Variants in LRRFIP1 observed in about 807,000 individuals in gnomAD.
LRRFIP1 encodes leucine-rich repeat flightless-interacting protein 1.
LRRFIP1 carries 62 observed loss-of-function variants against 104.4 expected under a neutral mutation model. The observed-to-expected ratio is 0.59, with a 90% confidence interval of 0.48 to 0.73. LRRFIP1 has a LOEUF of 0.73. LRRFIP1 is among the 30% of genes least tolerant of loss of function. The pLI is 0.00. For synonymous variants in LRRFIP1, 300 were observed against 299.0 expected (o/e 1.00, Z -0.03); for missense variants, 796 against 824.5 (o/e 0.97, Z 0.42).
chr2:237,645,043 C>A (rs2084645792), intron 1 of LRRFIP1, among the ~76,000 whole-genome samples: 1 of 152,238 alleles, frequency 6.6e-6, no homozygotes, highest in African/African-American at 2.4e-5. Context: ...CCTCTCCCTG[C>A]TCTGGAAGCA....
rs575892213 is a variant in LRRFIP1, at chr2:237,639,046, A to T, written c.96+11306A>T. Among the ~76,000 whole-genome samples the T allele has an allele frequency of 1.4e-4, 22 of 152,282 alleles. No individual in the cohort carries two copies. In the South Asian group the frequency reaches 2.9e-3, roughly 20 times the overall value. On this transcript the variant is annotated intron_variant, in intron 1 of 23. Coordinates refer to ENST00000308482, the MANE Select transcript of LRRFIP1 (RefSeq NM_001137550.2). ...AGGAATGCTATCGTGTGGGGCAGTC[A>T]TGGTAAAGAGCTAGAGCCCACAGGC...
At chr2:237,643,010 T>C (rs1045775014) in intron 1 of LRRFIP1, among the ~76,000 whole-genome samples, 2 of 152,350 alleles carry the variant, frequency 1.3e-5, no homozygotes, top group African/African-American at 4.8e-5. Context: ...AGAGTTCACA[T>C]GAGGTCCCGA....
At chr2:237,671,813 T>C (rs1317367355) in intron 1 of LRRFIP1, among the ~76,000 whole-genome samples, 1 of 150,418 alleles carries the variant, frequency 6.6e-6, no homozygotes, top group African/African-American at 2.5e-5. Context: ...TGTGCCTGCA[T>C]GTGTGTGTGC....
At chr2:237,682,324 G>A (rs144702782) in intron 1 of LRRFIP1, among the ~76,000 whole-genome samples, 7 of 152,318 alleles carry the variant, frequency 4.6e-5, no homozygotes, top group Non-Finnish European at 7.3e-5. Context: ...GCAGTCCTCC[G>A]GGCAGTCCTG....
At chr2:237,709,205 G>A (rs1220075274) in intron 2 of LRRFIP1, among the ~76,000 whole-genome samples, 3 of 152,186 alleles carry the variant, frequency 2.0e-5, no homozygotes, top group African/African-American at 7.2e-5. Context: ...CCATTTGCAA[G>A]TTATTTTCAT....
intron 1 of LRRFIP1, among the ~76,000 whole-genome samples, chr2:237,696,145 T>C (rs928938631): frequency 1.3e-5 from 2 of 152,240 alleles, no homozygotes; most frequent in Non-Finnish European, 2.9e-5. Context: ...TACTTTGTAG[T>C]AGAGAAGTAA....
chr2:237,720,665 G>C, intron 5 of LRRFIP1, 107 bp from the exon 6 acceptor site: 1 of 942,828 alleles, frequency 1.1e-6, no homozygotes, highest in Non-Finnish European at 1.7e-6. Flanking sequence ...CCCCCTCACT[G>C]CTGTGGGTTG....
chr2:237,733,760 C>G lies in LRRFIP1; in HGVS notation c.445-14C>G, dbSNP rs752269494. Reference sequence around the variant, plus strand: ...CAAGGCTTTTAAAACCTGCCATTTGCTTTCATCCTCCAGCCCTCCTGTCTG... The same window carrying G: ...CAAGGCTTTTAAAACCTGCCATTTGGTTTCATCCTCCAGCCCTCCTGTCTG... On this transcript the variant is annotated splice_polypyrimidine_tract_variant and intron_variant, in intron 8 of 23. Coordinates refer to ENST00000308482, the MANE Select transcript of LRRFIP1 (RefSeq NM_001137550.2). 2 of 1,613,794 alleles carry G rather than the reference C, an allele frequency of 1.2e-6. No individual in the cohort carries two copies. The highest frequency in any genetic ancestry group is 8.5e-7 in the Non-Finnish European group (1 of 1,179,790).
At chr2:237,658,821 C>A (rs956829973) in intron 1 of LRRFIP1, among the ~76,000 whole-genome samples, 7 of 152,116 alleles carry the variant, frequency 4.6e-5, no homozygotes, top group South Asian at 2.1e-4. Context: ...CTTTGACATG[C>A]GGAGATTATG....
At chr2:237,779,279 A>T in intron 23 of LRRFIP1, 143 bp from the exon 24 acceptor site, 1 of 1,301,176 alleles carries the variant, frequency 7.7e-7, no homozygotes, top group Non-Finnish European at 1.0e-6. Flanking sequence ...CAGTTGTTTC[A>T]GAGGAGGAAG....
intron 1 of LRRFIP1, among the ~76,000 whole-genome samples, chr2:237,640,386 C>T (rs987906487): frequency 2.0e-5 from 3 of 151,986 alleles, no homozygotes; most frequent in Non-Finnish European, 4.4e-5. Flanking sequence ...GCAGGAAGTC[C>T]AAGATCTAGG....
chr2:237,648,670 A>T (rs1437156628), intron 1 of LRRFIP1, among the ~76,000 whole-genome samples: 1 of 151,608 alleles, frequency 6.6e-6, no homozygotes, highest in Non-Finnish European at 1.5e-5. Context: ...CTTGCCTGTG[A>T]TGAGTAACAG....
chr2:237,777,143 A>T (rs989134299), intron 23 of LRRFIP1, among the ~76,000 whole-genome samples: 3 of 152,112 alleles, frequency 2.0e-5, no homozygotes, highest in Admixed American at 6.6e-5. Context: ...ACCCTCACAC[A>T]TATGTGTATA....
At chr2:237,779,295 C>T in intron 23 of LRRFIP1, 127 bp from the exon 24 acceptor site, 3 of 1,398,616 alleles carry the variant, frequency 2.1e-6, no homozygotes, top group Non-Finnish European at 2.8e-6. Context: ...GGAAGGGCAT[C>T]ATGAGGGACC....
intron 1 of LRRFIP1, among the ~76,000 whole-genome samples, chr2:237,632,706 C>T (rs1235201543): frequency 1.3e-5 from 2 of 152,082 alleles, no homozygotes; most frequent in East Asian, 3.9e-4. Flanking sequence ...CAGAACAGCC[C>T]AGAAGTGGGG....
chr2:237,672,864 A>G (rs144370545), intron 1 of LRRFIP1, among the ~76,000 whole-genome samples: 4 of 152,360 alleles, frequency 2.6e-5, no homozygotes, highest in African/African-American at 9.6e-5. Flanking sequence ...AATTTGAGTC[A>G]TCTGTGTTTC....
chr2:237,763,200 G>C, intron 19 of LRRFIP1: 1 of 1,614,170 alleles, frequency 6.2e-7, no homozygotes, highest in South Asian at 1.1e-5. Flanking sequence ...GAAGTAGGTA[G>C]GGATCACAAC....
intron 19 of LRRFIP1, chr2:237,762,718 G>A: frequency 3.1e-6 from 5 of 1,614,166 alleles, no homozygotes; most frequent in African/African-American, 1.3e-5. Context: ...AGGACTGTGT[G>A]GACATAGAGG....
chr2:237,698,334 T>C (rs1405436294), intron 1 of LRRFIP1, among the ~76,000 whole-genome samples: 1 of 152,200 alleles, frequency 6.6e-6, no homozygotes, highest in African/African-American at 2.4e-5. Flanking sequence ...GAGTAACTTA[T>C]CCAGGCTCAC....
Sources: gnomAD v4.1 joint callset for allele counts (sites outside exome capture counted in the v4.1 genomes callset) on GRCh38, gnomAD v4.1.1 for gene constraint, MANE v1.5 for transcripts, NCBI Gene and HGNC (gene_info 2026-07-23, HGNC 2026-07-21) for gene names.